The following SMCHD1 variants were observed in gnomAD, a reference collection of about 807,000 sequenced individuals.
The protein encoded by SMCHD1 is structural maintenance of chromosomes flexible hinge domain containing 1.
A neutral mutation model predicts 254.7 loss-of-function variants in SMCHD1; 78 were observed. The ratio of observed to expected loss-of-function variants is 0.31; its 90% CI spans 0.26 to 0.37. The LOEUF (loss-of-function observed/expected upper bound fraction) is 0.37, where lower values mean the gene tolerates loss of function less well. Among genes scored for constraint, SMCHD1 ranks in the 10% least tolerant of loss-of-function variants. The probability of loss-of-function intolerance (pLI) is 1.00; values close to 1 mark genes in which losing one functional copy is unlikely to be tolerated. For missense variants in SMCHD1, 1,840 were observed against 2,408.1 expected, an observed-to-expected ratio of 0.76 and a Z score of 4.94; for synonymous variants, 766 against 794.9, an observed-to-expected ratio of 0.96 and a Z score of 0.61.
At chr18:2,783,472 T>C (rs1350350411) in intron 44 of SMCHD1, among the ~76,000 whole-genome samples, 1 of 152,200 alleles carries the variant, frequency 6.6e-6, no homozygotes, top group Non-Finnish European at 1.5e-5. Context: ...AGTTTAACTT[T>C]TATTTTTTAA....
At position 2,803,725 on chromosome 18, in the gene SMCHD1, TTTG is replaced by T. The variant is rs2076403774; in HGVS notation, c.*1179_*1181del. The T allele has an allele frequency of 1.3e-5, 2 of 152,182 alleles. No individual in the cohort carries two copies. The highest frequency in any genetic ancestry group is 2.1e-4 in the South Asian group (1 of 4,838). The allele number at this position is 152,182 out of a possible 1,614,324, so 9.4% of individuals were successfully genotyped here. ...TTATAATTGGAAATTATTTAAACTG[TTTG>T]TTGTTACAGAAGAAACAAAATGGTA... On this transcript the variant is annotated 3_prime_UTR_variant, in exon 48 of 48. Coordinates refer to ENST00000320876, the MANE Select transcript of SMCHD1 (RefSeq NM_015295.3).
chr18:2,702,180 A>G (rs1270516259), intron 12 of SMCHD1: 1 of 152,024 alleles, frequency 6.6e-6, no homozygotes, highest in African/African-American at 2.4e-5. Flanking sequence ...CAAGCTGCGC[A>G]TAATGGTTCA....
chr18:2,776,033 G>T, intron 42 of SMCHD1, 109 bp downstream of exon 42: 2 of 965,356 alleles, frequency 2.1e-6, no homozygotes, highest in East Asian at 2.8e-5. Flanking sequence ...ACAGAGAATT[G>T]ACTTGAATTA....
chr18:2,691,109 G>C (rs1448233220), intron 7 of SMCHD1, among the ~76,000 whole-genome samples: 1 of 151,508 alleles, frequency 6.6e-6, no homozygotes, highest in Non-Finnish European at 1.5e-5. Context: ...TTAACAAATT[G>C]CATATTTTGA....
intron 34 of SMCHD1, among the ~76,000 whole-genome samples, chr18:2,757,487 A>G (rs2075703890): frequency 6.6e-6 from 1 of 152,156 alleles, no homozygotes. Context: ...AGTGCTGATT[A>G]CAGGCATGAG....
At chr18:2,678,221 C>T (rs1362002514) in intron 5 of SMCHD1, among the ~76,000 whole-genome samples, 6 of 42,270 alleles carry the variant, frequency 1.4e-4, no homozygotes, top group African/African-American at 3.5e-4. Context: ...TTCTTTCTTT[C>T]TTTTTCTTTC....
intron 1 of SMCHD1, among the ~76,000 whole-genome samples, chr18:2,658,811 C>CAG (rs1271796078): frequency 6.6e-6 from 1 of 151,180 alleles, no homozygotes; most frequent in Non-Finnish European, 1.5e-5. Flanking sequence ...CTTATGTATA[C>CAG]ATATACATAT....
intron 45 of SMCHD1, among the ~76,000 whole-genome samples, chr18:2,790,804 A>C (rs2076307348): frequency 6.6e-6 from 1 of 152,206 alleles, no homozygotes. Flanking sequence ...AATAATTCAA[A>C]TGTCCCTAGC....
At chr18:2,741,530 C>G (rs1337671175) in intron 28 of SMCHD1, among the ~76,000 whole-genome samples, 1 of 152,154 alleles carries the variant, frequency 6.6e-6, no homozygotes, top group African/African-American at 2.4e-5. Context: ...TTCCATGTTT[C>G]CCTTCTAACT....
intron 24 of SMCHD1, among the ~76,000 whole-genome samples, chr18:2,731,590 C>A (rs190871148): frequency 6.6e-6 from 1 of 152,250 alleles, no homozygotes; most frequent in Non-Finnish European, 1.5e-5. Flanking sequence ...TTTATGGTAG[C>A]TGTTTGTCTC....
At chr18:2,682,987 G>T (rs2143910499) in intron 5 of SMCHD1, among the ~76,000 whole-genome samples, 1 of 152,188 alleles carries the variant, frequency 6.6e-6, no homozygotes, top group South Asian at 2.1e-4. Flanking sequence ...GCCTAGATTT[G>T]GTTTGCATGG....
At chr18:2,728,053 C>G (rs995121605) in intron 22 of SMCHD1, among the ~76,000 whole-genome samples, 2 of 152,010 alleles carry the variant, frequency 1.3e-5, no homozygotes, top group African/African-American at 4.8e-5. Flanking sequence ...AGAACTAATT[C>G]TTTGAATGTC....
At position 2,750,407 on chromosome 18, in the gene SMCHD1, T is replaced by G; in HGVS notation, c.4065T>G (p.Pro1355=). The change falls in exon 32 of 48, where the codon CCT becomes CCG. Residue 1355 remains proline, a synonymous_variant. Transcript: ENST00000320876. ...AIYNKSIIEG[P]IIKLMILPDP... ...ATAACAAAAGTATCATAGAAGGACC[T>G]ATAATTAAGTTAATGATTCTTCCAG... The G allele has an allele frequency of 6.2e-7, 1 of 1,612,512 alleles. No individual in the cohort carries two copies. The highest frequency in any genetic ancestry group is 1.7e-5 in the Admixed American group (1 of 59,900).
intron 5 of SMCHD1, among the ~76,000 whole-genome samples, chr18:2,678,814 C>T (rs953598798): frequency 3.9e-5 from 3 of 77,590 alleles, no homozygotes; most frequent in African/African-American, 9.6e-5. Flanking sequence ...TTAATCTTTC[C>T]GTTTTTTGTT....
At position 2,703,546 on chromosome 18, in the gene SMCHD1, G is replaced by A; in HGVS notation, c.1648-146G>A. On this transcript the variant is annotated intron_variant, in intron 12 of 47. Transcript: ENST00000320876. The stretch of plus-strand genomic sequence containing the variant: ...TGAAATATCCTAAATGTGTACAGAG[G>A]AAGGATCCAGCAGAATATTTAATTT... The A allele has an allele frequency of 6.3e-6, 4 of 629,966 alleles. No homozygotes were observed. The South Asian group carries it at 6.6e-5, about 10-fold the overall frequency. 39.0% of individuals were successfully genotyped at this position (629,966 alleles called of 1,614,324 possible).
In SMCHD1 at chr18:2,785,791, T is replaced by C. The variant is rs139374685; in HGVS notation, c.5719+1170T>C. 5.5e-4 allele frequency among the ~76,000 whole-genome samples: 83 copies of C among 152,194 alleles called. 1 individual carries two copies. In the East Asian group the frequency reaches 0.015, roughly 27 times the overall value. ...ATTGTCCATTCCCTGACACCCATTA[T>C]ACTTCTTTCTGTCTCTCTGAATGTG... On this transcript the variant is annotated intron_variant, in intron 45 of 47. Transcript: ENST00000320876.
chr18:2,775,576 T>A (rs2076053617), intron 41 of SMCHD1, among the ~76,000 whole-genome samples, 158 bp from the exon 42 acceptor site: 1 of 152,168 alleles, frequency 6.6e-6, no homozygotes, highest in South Asian at 2.1e-4. Context: ...GAATACAATG[T>A]TTAATATATT....
chr18:2,706,164 A>G (rs1034566530), intron 14 of SMCHD1, among the ~76,000 whole-genome samples, 200 bp from the exon 15 acceptor site: 1 of 152,172 alleles, frequency 6.6e-6, no homozygotes, highest in Non-Finnish European at 1.5e-5. Context: ...TTTCTTGTTA[A>G]TGTTTGATAT....
At chr18:2,748,129 G>A (rs954220551) in intron 30 of SMCHD1, among the ~76,000 whole-genome samples, 7 of 152,170 alleles carry the variant, frequency 4.6e-5, no homozygotes, top group African/African-American at 7.2e-5. Flanking sequence ...ATATATTTTA[G>A]GGTGAGGCTC....
Sources: gnomAD v4.1 joint callset for allele counts (sites outside exome capture counted in the v4.1 genomes callset) on GRCh38, gnomAD v4.1.1 for gene constraint, MANE v1.5 for transcripts, NCBI Gene and HGNC (gene_info 2026-07-23, HGNC 2026-07-21) for gene names.